Variants in ATXN10 observed in about 807,000 individuals in gnomAD.
The protein encoded by ATXN10 is ataxin 10.
A neutral mutation model predicts 52.9 loss-of-function variants in ATXN10; 28 were observed. That is an observed-to-expected ratio of 0.53 (90% CI 0.39 to 0.73). ATXN10 has a LOEUF of 0.73. Ranked by LOEUF, ATXN10 falls within the 30% of genes least tolerant of loss-of-function variation. The probability of loss-of-function intolerance (pLI) is 0.00; values close to 1 mark genes in which losing one functional copy is unlikely to be tolerated. For missense variants in ATXN10, 565 were observed against 577.0 expected, an observed-to-expected ratio of 0.98 and a Z score of 0.21; for synonymous variants, 226 against 221.5, an observed-to-expected ratio of 1.02 and a Z score of -0.18.
chr22:45,707,283 A>G (rs947245486), intron 5 of ATXN10, among the ~76,000 whole-genome samples: 24 of 152,266 alleles, frequency 1.6e-4, no homozygotes, highest in Middle Eastern at 6.8e-3. Context: ...AGCTTTTTCA[A>G]TTTTGGCTTC....
rs1446536199 is a variant in ATXN10, at chr22:45,693,002, G to C, written c.315G>C (p.Leu105Phe). 3.7e-6 allele frequency: 6 copies of C among 1,613,894 alleles called. No individual in the cohort carries two copies. The South Asian group carries it at 4.4e-5, about 12-fold the overall frequency. The change falls in exon 3 of 12, where the codon TTG (leucine) becomes TTC (phenylalanine). Residue 105 changes from leucine (L) to phenylalanine (F), a missense_variant. Leu to Phe is a conservative substitution (Grantham distance 22). Coordinates refer to ENST00000252934, the MANE Select transcript of ATXN10 (RefSeq NM_013236.4). ...TCTTTTTTAAAAAACCCAGGAACTTGGATACGATTGGTGTTGCTGTTGATT... is the reference window on the plus strand; with the variant it reads ...TCTTTTTTAAAAAACCCAGGAACTTCGATACGATTGGTGTTGCTGTTGATT... ...CSVNQNSIRN[L>F]DTIGVAVDLI...
At chr22:45,702,623 A>G in intron 4 of ATXN10, 66 bp from the exon 5 acceptor site, 2 of 1,463,520 alleles carry the variant, frequency 1.4e-6, no homozygotes, top group Admixed American at 3.4e-5. Context: ...CAATGGTATT[A>G]CTGTTATTTT....
chr22:45,743,582 T>C (rs1408130909), intron 9 of ATXN10, among the ~76,000 whole-genome samples: 2 of 152,210 alleles, frequency 1.3e-5, no homozygotes, highest in African/African-American at 4.8e-5. Context: ...CTAACCCAGC[T>C]AGGGCTTTAA....
chr22:45,707,225 T>C (rs1391317522), intron 5 of ATXN10, among the ~76,000 whole-genome samples: 1 of 152,158 alleles, frequency 6.6e-6, no homozygotes, highest in Non-Finnish European at 1.5e-5. Context: ...CTCCAGGGAG[T>C]AAGCCTTGAG....
chr22:45,684,842 T>TA lies in ATXN10; in HGVS notation c.117-4869dup, dbSNP rs1418429840. Among the ~76,000 whole-genome samples, 1 of 152,226 alleles carries TA rather than the reference T, an allele frequency of 6.6e-6. No individual in the cohort carries two copies. Among genetic ancestry groups the TA allele is most frequent in the Non-Finnish European group, 1.5e-5 (1 of 68,036 alleles). On this transcript the variant is annotated intron_variant, in intron 1 of 11. Transcript: ENST00000252934. The surrounding 1 kb of genome is among the most constrained non-coding windows in gnomAD (Gnocchi z 4.1). ...ACCCTAGGCTGTTTGTGGCAGGAGA[T>TA]ACAGATGTTTTTATTTTCTGTTTTT... is the stretch of plus-strand genomic sequence containing the variant.
At chr22:45,812,744 T>A (rs1024967135) in intron 10 of ATXN10, among the ~76,000 whole-genome samples, 2 of 152,210 alleles carry the variant, frequency 1.3e-5, no homozygotes, top group African/African-American at 4.8e-5. Flanking sequence ...CTCTGAGCAC[T>A]CTGGATAATG....
At position 45,757,618 on chromosome 22, in the gene ATXN10, AAAC is replaced by A. The variant is rs1372248304; in HGVS notation, c.1173+17082_1173+17084del. ...ATTTCTAGCCATTTTAGAAAAAAAA[AAAC>A]ATTAGTACAGTATTAGTAAATATGG... On this transcript the variant is annotated intron_variant, in intron 9 of 11. Coordinates refer to ENST00000252934, the MANE Select transcript of ATXN10 (RefSeq NM_013236.4). The surrounding 1 kb of genome is among the most constrained non-coding windows in gnomAD (Gnocchi z 4.6). 6.6e-6 allele frequency among the ~76,000 whole-genome samples: 1 copy of A among 152,200 alleles called. No individual in the cohort carries two copies. The highest frequency in any genetic ancestry group is 2.4e-5 in the African/African-American group (1 of 41,452).
At chr22:45,768,728 A>G (rs1280211796) in intron 9 of ATXN10, among the ~76,000 whole-genome samples, 2 of 152,200 alleles carry the variant, frequency 1.3e-5, no homozygotes, top group East Asian at 3.9e-4. Context: ...TACAGATTAA[A>G]ACTATTTAGG....
In ATXN10 at chr22:45,729,158, A is replaced by G. The variant is rs527632256; in HGVS notation, c.729-267A>G. ...AAACTGAGCATGTCTAAAATGTCCA[A>G]TTATTTTAATGTTGAAAGTAATGGA... On this transcript the variant is annotated intron_variant, in intron 6 of 11. Coordinates refer to ENST00000252934, the MANE Select transcript of ATXN10 (RefSeq NM_013236.4). Among the ~76,000 whole-genome samples, 21 of 152,360 alleles carry G rather than the reference A, an allele frequency of 1.4e-4. No homozygotes were observed. In the East Asian group the frequency reaches 2.3e-3, roughly 17 times the overall value.
chr22:45,762,402 G>A lies in ATXN10; in HGVS notation c.1173+21864G>A, dbSNP rs1327260484. On this transcript the variant is annotated intron_variant, in intron 9 of 11. Transcript: ENST00000252934. The surrounding 1 kb of genome is among the most constrained non-coding windows in gnomAD (Gnocchi z 4.3). The stretch of plus-strand genomic sequence containing the variant: ...ATGATAGATAGCAGATAAAGCAGTT[G>A]ATTTCAGTCAGAAGCAGACCACAGC... Among the ~76,000 whole-genome samples, 1 of 152,210 alleles carries A rather than the reference G, an allele frequency of 6.6e-6. No homozygotes were observed. The highest frequency in any genetic ancestry group is 2.4e-5 in the African/African-American group (1 of 41,450).
At position 45,751,751 on chromosome 22, in the gene ATXN10, AAAATAAAAAAAAAATAAT is replaced by A. The variant is rs1569049559; in HGVS notation, c.1173+11216_1173+11233del. Among the ~76,000 whole-genome samples the A allele has an allele frequency of 1.0e-4, 10 of 95,478 alleles. 1 individual carries two copies. The East Asian group carries it at 1.9e-3, about 18-fold the overall frequency. The allele number at this position is 95,478 out of a possible 152,430, so 62.6% of individuals were successfully genotyped here. A position where few individuals can be genotyped will look rare whatever the true frequency, so the allele number is the denominator to read the frequency against. On this transcript the variant is annotated intron_variant, in intron 9 of 11. Coordinates refer to ENST00000252934, the MANE Select transcript of ATXN10 (RefSeq NM_013236.4). ...TCTACCTTTTTCTGGAAAAAAAAAA[AAAATAAAAAAAAAATAAT>A]AATAATAATAATAATAATAAGATGG... is the stretch of plus-strand genomic sequence containing the variant.
At chr22:45,793,694 C>T in intron 9 of ATXN10, 1 of 1,472,386 alleles carries the variant, frequency 6.8e-7, no homozygotes, top group South Asian at 1.6e-5. Flanking sequence ...ACCAATCACA[C>T]AGCTCCATGC....
chr22:45,745,392 C>T (rs1397829720), intron 9 of ATXN10, among the ~76,000 whole-genome samples: 4 of 152,182 alleles, frequency 2.6e-5, no homozygotes, highest in Non-Finnish European at 4.4e-5. Flanking sequence ...GCCATATATC[C>T]GTTCTGCTAA....
intron 7 of ATXN10, among the ~76,000 whole-genome samples, chr22:45,734,988 G>A (rs1396142552): frequency 6.6e-6 from 1 of 151,568 alleles, no homozygotes; most frequent in Non-Finnish European, 1.5e-5. Flanking sequence ...AGGTTCAAGC[G>A]ATTCTCCTGC....
At position 45,766,578 on chromosome 22, in the gene ATXN10, A is replaced by G. The variant is rs1926588509; in HGVS notation, c.1173+26040A>G. On this transcript the variant is annotated intron_variant, in intron 9 of 11. Transcript: ENST00000252934. The surrounding 1 kb of genome is among the most constrained non-coding windows in gnomAD (Gnocchi z 4.6). ...TAAATGGCACAGGTGTAAATGTAACAGCACCTGAACCCATGCAAGTATTAG... is the reference window on the plus strand; with the variant it reads ...TAAATGGCACAGGTGTAAATGTAACGGCACCTGAACCCATGCAAGTATTAG... Among the ~76,000 whole-genome samples the G allele has an allele frequency of 6.6e-6, 1 of 152,232 alleles. No individual in the cohort carries two copies. The highest frequency in any genetic ancestry group is 1.5e-5 in the Non-Finnish European group (1 of 68,036).
intron 9 of ATXN10, among the ~76,000 whole-genome samples, chr22:45,777,169 T>G (rs753219981): frequency 6.6e-6 from 1 of 152,220 alleles, no homozygotes; most frequent in Non-Finnish European, 1.5e-5. Flanking sequence ...GGATCAGCCT[T>G]AGGGAGAGGT....
intron 3 of ATXN10, among the ~76,000 whole-genome samples, chr22:45,697,956 C>G (rs1013114807): frequency 6.6e-6 from 1 of 152,214 alleles, no homozygotes; most frequent in Non-Finnish European, 1.5e-5. Context: ...TAAGGTTCAT[C>G]CACCTTGTAG....
In ATXN10 at chr22:45,759,381, G is replaced by A. The variant is rs912856850; in HGVS notation, c.1173+18843G>A. Among the ~76,000 whole-genome samples, 15 of 152,070 alleles carry A rather than the reference G, an allele frequency of 9.9e-5. No homozygotes were observed. The highest frequency in any genetic ancestry group is 3.1e-4 in the African/African-American group (13 of 41,404). ...ACAAAAAGTAGCCGGGCGTGGTGGCGCATGCCTGTAATCCCAGCTACTCGG... is the reference window on the plus strand; with the variant it reads ...ACAAAAAGTAGCCGGGCGTGGTGGCACATGCCTGTAATCCCAGCTACTCGG... On this transcript the variant is annotated intron_variant, in intron 9 of 11. Coordinates refer to ENST00000252934, the MANE Select transcript of ATXN10 (RefSeq NM_013236.4). The surrounding 1 kb of genome is among the most constrained non-coding windows in gnomAD (Gnocchi z 5.4).
intron 3 of ATXN10, among the ~76,000 whole-genome samples, chr22:45,693,932 T>G (rs1216884692): frequency 2.0e-5 from 3 of 152,186 alleles, no homozygotes; most frequent in Admixed American, 6.5e-5. Context: ...TGTCTGTTGT[T>G]TAAGCCATTC....
Sources: allele counts gnomAD v4.1 joint callset (sites outside exome capture counted in the v4.1 genomes callset), GRCh38; gene constraint gnomAD v4.1.1; non-coding constraint Gnocchi (gnomAD v3.1); transcripts MANE v1.5; gene names NCBI Gene and HGNC (gene_info 2026-07-23, HGNC 2026-07-21).